MAGI2: variants seen among roughly 807,000 people sequenced by gnomAD.
The protein encoded by MAGI2 is membrane associated guanylate kinase, WW and PDZ domain containing 2.
Under a neutral mutation model 133.3 loss-of-function variants are expected in MAGI2, and 35 were observed. The observed-to-expected ratio is 0.26, with a 90% CI of 0.20 to 0.35. The LOEUF (loss-of-function observed/expected upper bound fraction) is 0.35. MAGI2 is among the 10% of genes least tolerant of loss of function. MAGI2 has a pLI of 1.00. For missense variants in MAGI2, 1,636 were observed against 1,863.4 expected, an observed-to-expected ratio of 0.88 and a Z score of 2.25; for synonymous variants, 729 against 710.6, an observed-to-expected ratio of 1.03 and a Z score of -0.41.
At chr7:78,299,853 C>T (rs1008463691) in intron 9 of MAGI2, among the ~76,000 whole-genome samples, 5 of 151,802 alleles carry the variant, frequency 3.3e-5, no homozygotes, top group Admixed American at 6.6e-5. Flanking sequence ...TTTAAAATGG[C>T]AAAAATTAAT....
At chr7:78,340,985 C>T (rs575776234) in intron 9 of MAGI2, among the ~76,000 whole-genome samples, 18 of 152,100 alleles carry the variant, frequency 1.2e-4, no homozygotes, top group East Asian at 7.7e-4. Context: ...AGAAATAAAG[C>T]GCATTCAAAT....
intron 2 of MAGI2, among the ~76,000 whole-genome samples, chr7:78,632,178 C>A (rs970371854): frequency 6.6e-6 from 1 of 152,126 alleles, no homozygotes; most frequent in Non-Finnish European, 1.5e-5. Context: ...CTGAATAACA[C>A]AGACTAAGAT....
chr7:78,692,843 C>A (rs2190665), intron 2 of MAGI2, among the ~76,000 whole-genome samples: 1 of 152,026 alleles, frequency 6.6e-6, no homozygotes. Flanking sequence ...TACTGGAATG[C>A]ATAAGATTAA....
intron 20 of MAGI2, among the ~76,000 whole-genome samples, chr7:78,117,910 G>C (rs1724632259): frequency 2.0e-5 from 3 of 152,248 alleles, no homozygotes; most frequent in Admixed American, 2.0e-4. Context: ...CTATAGCCAG[G>C]AGAAGAATAA....
chr7:78,856,967 G>C (rs916031117), intron 2 of MAGI2, among the ~76,000 whole-genome samples: 96 of 152,140 alleles, frequency 6.3e-4, no homozygotes, highest in African/African-American at 2.2e-3. Context: ...AGGTCCTTCA[G>C]ATCCCTTGTA....
At chr7:79,244,721 G>A (rs1057210927) in intron 1 of MAGI2, among the ~76,000 whole-genome samples, 2 of 152,146 alleles carry the variant, frequency 1.3e-5, no homozygotes, top group African/African-American at 4.8e-5. Context: ...GTGATGTGTT[G>A]GGCTTGGAGC....
chr7:79,290,888 T>C (rs1474847602), intron 1 of MAGI2, among the ~76,000 whole-genome samples: 1 of 152,076 alleles, frequency 6.6e-6, no homozygotes, highest in African/African-American at 2.4e-5. Context: ...AATAGTTGTT[T>C]TAAAGTGTAT....
chr7:78,484,210 G>A (rs1305488610), intron 6 of MAGI2: 1 of 151,898 alleles, frequency 6.6e-6, no homozygotes, highest in Non-Finnish European at 1.5e-5. Context: ...AAACTAATTA[G>A]CGTTTTCTAC....
At chr7:78,419,920 G>A (rs1798645345) in intron 6 of MAGI2, among the ~76,000 whole-genome samples, 1 of 152,112 alleles carries the variant, frequency 6.6e-6, no homozygotes, top group South Asian at 2.1e-4. Flanking sequence ...GGGGGTTGAG[G>A]TCCTCCTGAT....
At chr7:78,438,113 G>A (rs1787226960) in intron 6 of MAGI2, among the ~76,000 whole-genome samples, 1 of 152,110 alleles carries the variant, frequency 6.6e-6, no homozygotes, top group Admixed American at 6.6e-5. Flanking sequence ...GGAATCAACT[G>A]GTGAGAATAA....
chr7:78,209,123 G>A (rs1302980346), intron 10 of MAGI2, among the ~76,000 whole-genome samples: 3 of 104,810 alleles, frequency 2.9e-5, no homozygotes, highest in Non-Finnish European at 4.1e-5. Context: ...TTGGGAGGCT[G>A]AGGCAGGAGA....
intron 1 of MAGI2, among the ~76,000 whole-genome samples, chr7:79,087,010 A>G (rs1816569055): frequency 6.6e-6 from 1 of 151,924 alleles, no homozygotes; most frequent in Non-Finnish European, 1.5e-5. Context: ...TTGTTAATAA[A>G]GAAAATTAAT....
At chr7:79,156,956 G>A (rs1271873287) in intron 1 of MAGI2, among the ~76,000 whole-genome samples, 1 of 152,024 alleles carries the variant, frequency 6.6e-6, no homozygotes, top group African/African-American at 2.4e-5. Context: ...CTTCTCTTCT[G>A]GTAGAACTGC....
chr7:78,328,355 T>C (rs1169013912), intron 9 of MAGI2, among the ~76,000 whole-genome samples: 1 of 152,116 alleles, frequency 6.6e-6, no homozygotes, highest in East Asian at 1.9e-4. Context: ...TGATGTAGCC[T>C]GTAGGCAAAT....
At chr7:78,561,802 T>C (rs935302014) in intron 3 of MAGI2, among the ~76,000 whole-genome samples, 1 of 152,150 alleles carries the variant, frequency 6.6e-6, no homozygotes, top group African/African-American at 2.4e-5. Context: ...CAGGAAAGGT[T>C]GCAGGGGATA....
intron 16 of MAGI2, among the ~76,000 whole-genome samples, chr7:78,138,693 G>A (rs1266485903): frequency 1.4e-5 from 2 of 144,778 alleles, no homozygotes; most frequent in Admixed American, 1.4e-4. Flanking sequence ...TATGCTCAAC[G>A]ACAATGATAA....
chr7:78,890,064 AG>A (rs984860960), intron 2 of MAGI2, among the ~76,000 whole-genome samples: 3 of 152,210 alleles, frequency 2.0e-5, no homozygotes, highest in Non-Finnish European at 4.4e-5. Flanking sequence ...CAAAAAAGGC[AG>A]TGGTTGCAAT....
chr7:79,393,039 CA>C (rs1285197059), intron 1 of MAGI2, among the ~76,000 whole-genome samples: 1 of 152,128 alleles, frequency 6.6e-6, no homozygotes, highest in East Asian at 1.9e-4. Flanking sequence ...TGGTACTCAT[CA>C]AAAAACAATA....
intron 2 of MAGI2, among the ~76,000 whole-genome samples, chr7:78,697,767 T>C (rs1213543677): frequency 6.6e-6 from 1 of 152,200 alleles, no homozygotes; most frequent in Non-Finnish European, 1.5e-5. Flanking sequence ...TTTTCAGGTC[T>C]TTAAGATACT....
Sources: allele counts gnomAD v4.1 joint callset (sites outside exome capture counted in the v4.1 genomes callset), GRCh38; gene constraint gnomAD v4.1.1; transcripts MANE v1.5; gene names NCBI Gene and HGNC (gene_info 2026-07-23, HGNC 2026-07-21).